Variants in RNF150 observed in about 807,000 individuals in gnomAD.
RNF150 encodes ring finger protein 150.
A neutral mutation model predicts 39.3 loss-of-function variants in RNF150; 24 were observed. That is an observed-to-expected ratio of 0.61 (90% CI 0.44 to 0.86). The LOEUF (loss-of-function observed/expected upper bound fraction) is 0.86, where lower values mean the gene tolerates loss of function less well. Among genes scored for constraint, RNF150 ranks in the 40% least tolerant of loss-of-function variants. RNF150 has a pLI of 0.00. For missense variants in RNF150, 502 were observed against 587.8 expected (o/e 0.85, Z 1.51); for synonymous variants, 255 against 227.3 (o/e 1.12, Z -1.10).
intron 1 of RNF150, among the ~76,000 whole-genome samples, chr4:141,206,009 A>C (rs1457983875): frequency 6.6e-6 from 1 of 152,026 alleles, no homozygotes; most frequent in Non-Finnish European, 1.5e-5. Flanking sequence ...TTCCAAATTC[A>C]CTCATGATCA....
intron 1 of RNF150, among the ~76,000 whole-genome samples, chr4:141,205,193 A>C (rs146365859): frequency 6.6e-6 from 1 of 152,256 alleles, no homozygotes; most frequent in African/African-American, 2.4e-5. Context: ...AATCATATTA[A>C]CTCATTTTGA....
chr4:141,017,802 T>C (rs1368544618), intron 1 of RNF150, among the ~76,000 whole-genome samples: 3 of 152,190 alleles, frequency 2.0e-5, no homozygotes, highest in South Asian at 2.1e-4. Context: ...TTTAATAAGG[T>C]CCCTCCATCC....
chr4:140,993,969 G>A (rs964464558), intron 1 of RNF150, among the ~76,000 whole-genome samples: 3 of 152,150 alleles, frequency 2.0e-5, no homozygotes, highest in Non-Finnish European at 4.4e-5. Context: ...GTTTGTGGGT[G>A]TTGTTGACAT....
At chr4:140,877,449 C>T (rs1385611592) in intron 6 of RNF150, among the ~76,000 whole-genome samples, 1 of 152,212 alleles carries the variant, frequency 6.6e-6, no homozygotes, top group East Asian at 1.9e-4. Flanking sequence ...GAGAAAGTTG[C>T]CAAATGGATT....
At chr4:141,142,532 C>A (rs7661472) in intron 1 of RNF150, among the ~76,000 whole-genome samples, 82,322 of 152,056 alleles carry the variant, frequency 0.54, 22,850 homozygotes, top group East Asian at 0.8. Context: ...CATTGGCTAT[C>A]GTAGTTGTCA....
rs891479723 is a variant in RNF150 at position 141,068,152 on chromosome 4, A to G, written c.484+64173T>C. The stretch of plus-strand genomic sequence containing the variant: ...GTAGAGATGGGGTTCACCATGTGGG[A>G]CAGGCTGCTCTTGAACACCTAACCT... On this transcript the variant is annotated intron_variant, in intron 1 of 6. Transcript: ENST00000515673. 2.0e-5 allele frequency among the ~76,000 whole-genome samples: 3 copies of G among 152,022 alleles called. No individual in the cohort carries two copies. The East Asian group carries it at 5.8e-4, about 29-fold the overall frequency.
At chr4:140,902,090 T>C (rs1730209362) in intron 6 of RNF150, among the ~76,000 whole-genome samples, 1 of 152,084 alleles carries the variant, frequency 6.6e-6, no homozygotes. Flanking sequence ...CTATGAATGA[T>C]TACCCAGGAA....
At chr4:140,884,396 T>C (rs1729487599) in intron 6 of RNF150, among the ~76,000 whole-genome samples, 1 of 152,200 alleles carries the variant, frequency 6.6e-6, no homozygotes, top group Non-Finnish European at 1.5e-5. Context: ...GTATTTGAAT[T>C]ATCTGCCACT....
Position 140,911,227 on chromosome 4 carries a change from G to A in RNF150, c.1115C>T (p.Ala372Val), listed in dbSNP as rs777182643. 6.2e-7 allele frequency: 1 copy of A among 1,614,156 alleles called. No homozygotes were observed. The change falls in exon 6 of 7, where the codon GCT becomes GTT. Residue 372 changes from alanine (A) to valine (V), a missense_variant. Coordinates refer to ENST00000515673, the MANE Select transcript of RNF150 (RefSeq NM_020724.2). Reference sequence around the variant, plus strand: ...CTGCAAGGCTCCCACAGTCCGGACAGCAGGGTCCAAAGTGACTGAACTTTC... The same window carrying A: ...CTGCAAGGCTCCCACAGTCCGGACAACAGGGTCCAAAGTGACTGAACTTTC... ...VNESSVTLDP[A>V]VRTVGALQVV...
chr4:141,170,469 ACT>A (rs1410075135), intron 1 of RNF150, among the ~76,000 whole-genome samples: 5 of 152,206 alleles, frequency 3.3e-5, no homozygotes, highest in South Asian at 2.1e-4. Flanking sequence ...ATAAAAAGTA[ACT>A]CTTTTAATTT....
intron 1 of RNF150, among the ~76,000 whole-genome samples, chr4:141,017,247 T>C (rs1735313763): frequency 6.6e-6 from 1 of 152,196 alleles, no homozygotes; most frequent in Non-Finnish European, 1.5e-5. Flanking sequence ...CCTAAACTCC[T>C]ACTTCTGTGA....
intron 5 of RNF150, among the ~76,000 whole-genome samples, chr4:140,919,918 G>C (rs1033289146): frequency 1.8e-4 from 27 of 152,046 alleles, no homozygotes; most frequent in Non-Finnish European, 3.5e-4. Context: ...ACAAACCTGA[G>C]AAAAACAAGC....
intron 1 of RNF150, among the ~76,000 whole-genome samples, chr4:140,972,266 ATAAATG>A (rs1463141664): frequency 6.6e-6 from 1 of 152,178 alleles, no homozygotes; most frequent in East Asian, 1.9e-4. Flanking sequence ...AAAATACCAT[ATAAATG>A]TAAAGTGTAA....
chr4:141,046,505 C>G (rs536749330), intron 1 of RNF150, among the ~76,000 whole-genome samples: 2 of 152,300 alleles, frequency 1.3e-5, no homozygotes, highest in Admixed American at 6.5e-5. Flanking sequence ...TGACACCCAC[C>G]AGGGCCAAAC....
chr4:140,968,709 T>A (rs1032148786), intron 1 of RNF150, among the ~76,000 whole-genome samples: 1 of 151,858 alleles, frequency 6.6e-6, no homozygotes, highest in Non-Finnish European at 1.5e-5. Flanking sequence ...CCATTTTTTC[T>A]TGGGCCACTT....
intron 4 of RNF150, among the ~76,000 whole-genome samples, chr4:140,943,434 A>G (rs1732165557): frequency 6.6e-6 from 1 of 152,222 alleles, no homozygotes; most frequent in African/African-American, 2.4e-5. Flanking sequence ...ATATTTAAAT[A>G]TTTACCCATT....
At chr4:141,059,903 T>C (rs768190244) in intron 1 of RNF150, among the ~76,000 whole-genome samples, 2 of 152,152 alleles carry the variant, frequency 1.3e-5, no homozygotes, top group Non-Finnish European at 2.9e-5. Flanking sequence ...CTAGTTTATA[T>C]ACTATAAAAC....
intron 5 of RNF150, among the ~76,000 whole-genome samples, chr4:140,915,664 T>C (rs2111287206): frequency 2.0e-5 from 3 of 152,354 alleles, no homozygotes; most frequent in Middle Eastern, 3.4e-3. Context: ...CAAATCCGCT[T>C]AAATGTCCCT....
intron 1 of RNF150, among the ~76,000 whole-genome samples, chr4:141,106,909 T>C (rs1362950368): frequency 2.6e-5 from 4 of 152,150 alleles, no homozygotes; most frequent in Non-Finnish European, 4.4e-5. Context: ...AAGAATCAAA[T>C]GAAATCAGGT....
Sources: gnomAD v4.1 joint callset for allele counts (sites outside exome capture counted in the v4.1 genomes callset) on GRCh38, gnomAD v4.1.1 for gene constraint, MANE v1.5 for transcripts, NCBI Gene and HGNC (gene_info 2026-07-23, HGNC 2026-07-21) for gene names.